The following PLEKHS1 variants were observed in gnomAD, a reference collection of about 807,000 sequenced individuals.
PLEKHS1 encodes the protein pleckstrin homology domain-containing family S member 1.
PLEKHS1 carries 55 observed loss-of-function variants against 51.0 expected under a neutral mutation model. That is an observed-to-expected ratio of 1.08 (90% CI 0.87 to 1.35). PLEKHS1 has a LOEUF of 1.35. PLEKHS1 is among the 40% of genes most tolerant of loss of function. The probability of loss-of-function intolerance (pLI) is 0.00; values close to 1 mark genes in which losing one functional copy is unlikely to be tolerated. For missense variants in PLEKHS1, 398 were observed against 423.0 expected (o/e 0.94, Z 0.52); for synonymous variants, 153 against 144.8 (o/e 1.06, Z -0.41).
At chr10:113,777,765 C>T (rs1389583975) in intron 11 of PLEKHS1, 17 of 1,452,560 alleles carry the variant, frequency 1.2e-5, no homozygotes, top group Non-Finnish European at 1.4e-5. Flanking sequence ...TTTTTAAAGC[C>T]TCAGTTTCAT....
rs180973788 is a variant in PLEKHS1 at position 113,777,848 on chromosome 10, G to A, written c.1091+1982G>A. On this transcript the variant is annotated intron_variant, in intron 11 of 11. Transcript: ENST00000361048. ...GAATTAAACATAATATGTGGTGCTGGGCACGGTGGCTTACACCTGTAATCC... is the reference window on the plus strand; with the variant it reads ...GAATTAAACATAATATGTGGTGCTGAGCACGGTGGCTTACACCTGTAATCC... 2.3e-4 allele frequency: 294 copies of A among 1,268,274 alleles called. 2 individuals are homozygous for A. The East Asian group carries it at 6.5e-3, about 28-fold the overall frequency. 78.6% of individuals were successfully genotyped at this position (1,268,274 alleles called of 1,614,324 possible). A position where few individuals can be genotyped will look rare whatever the true frequency, so the allele number is the denominator to read the frequency against.
At chr10:113,770,308 T>C (rs1844347814) in intron 7 of PLEKHS1, among the ~76,000 whole-genome samples, 1 of 152,230 alleles carries the variant, frequency 6.6e-6, no homozygotes, top group Non-Finnish European at 1.5e-5. Context: ...TGTTAATCTC[T>C]TCCCTTTACC....
At chr10:113,766,690 C>A in exon 4 of PLEKHS1, 1 of 1,611,602 alleles carries the variant, frequency 6.2e-7, no homozygotes, top group South Asian at 1.1e-5. Flanking sequence ...TAAAGACCAT[C>A]ATCACCGAGG....
chr10:113,766,946 G>A (rs1844191487), intron 4 of PLEKHS1, among the ~76,000 whole-genome samples: 1 of 152,134 alleles, frequency 6.6e-6, no homozygotes, highest in Non-Finnish European at 1.5e-5. Context: ...TTAATTAACA[G>A]GCATTCAGTT....
chr10:113,778,299 A>G (rs937648872), intron 11 of PLEKHS1, among the ~76,000 whole-genome samples: 9 of 152,138 alleles, frequency 5.9e-5, no homozygotes, highest in Non-Finnish European at 1.3e-4. Context: ...AGAAGCTTAC[A>G]TTTATCTTTT....
chr10:113,777,089 TCA>T (rs1384776166), intron 11 of PLEKHS1, 33 bp from the exon 12 acceptor site: 1 of 1,608,702 alleles, frequency 6.2e-7, no homozygotes, highest in African/African-American at 1.3e-5. Flanking sequence ...CAGCTGAGCC[TCA>T]CACTGGTATT....
At chr10:113,777,835 A>G (rs1264878712) in intron 11 of PLEKHS1, 6 of 1,351,694 alleles carry the variant, frequency 4.4e-6, no homozygotes, top group African/African-American at 1.5e-5. Context: ...ATTAAACATA[A>G]TATGTGGTGC....
chr10:113,769,635 T>A, intron 6 of PLEKHS1, 149 bp from the exon 7 acceptor site: 1 of 672,216 alleles, frequency 1.5e-6, no homozygotes, highest in South Asian at 1.7e-5. Context: ...TCGGCTCTTG[T>A]CTTGGTGAAA....
At chr10:113,759,635 GAGT>G (rs1843827631) in intron 2 of PLEKHS1, among the ~76,000 whole-genome samples, 1 of 151,998 alleles carries the variant, frequency 6.6e-6, no homozygotes, top group Non-Finnish European at 1.5e-5. Context: ...TTTTTTTGAT[GAGT>G]AGTATTCCAT....
At chr10:113,776,315 G>A (rs887204034) in intron 11 of PLEKHS1, among the ~76,000 whole-genome samples, 1 of 152,158 alleles carries the variant, frequency 6.6e-6, no homozygotes, top group African/African-American at 2.4e-5. Flanking sequence ...AAAACTGCTA[G>A]TCACAGACAC....
intron 7 of PLEKHS1, chr10:113,771,124 T>C (rs191755062): frequency 1.3e-5 from 2 of 152,294 alleles, no homozygotes; most frequent in African/African-American, 2.4e-5. Flanking sequence ...TCTGTATCTA[T>C]GGGGAAGGGG....
At chr10:113,756,840 C>T (rs889391322) in intron 2 of PLEKHS1, among the ~76,000 whole-genome samples, 1 of 151,652 alleles carries the variant, frequency 6.6e-6, no homozygotes, top group Non-Finnish European at 1.5e-5. Flanking sequence ...AGACCTTGAC[C>T]GCGTATGACA....
chr10:113,772,309 G>A (rs1844449844), intron 8 of PLEKHS1, among the ~76,000 whole-genome samples: 1 of 152,136 alleles, frequency 6.6e-6, no homozygotes, highest in Non-Finnish European at 1.5e-5. Flanking sequence ...AATACCAGGG[G>A]TGCATGAGCT....
intron 2 of PLEKHS1, chr10:113,765,520 TGGC>T: frequency 1.6e-6 from 1 of 635,744 alleles, no homozygotes; most frequent in East Asian, 2.7e-5. Context: ...TATTGCCCTT[TGGC>T]TTAGCAGACA....
rs1038153526 is a variant in PLEKHS1 at position 113,777,649 on chromosome 10, G to A, written c.1091+1783G>A. Reference sequence around the variant, plus strand: ...GTTGGATAATTAAATGAGGTAATATGTGTAACGTGCTTACAAAGGTGACTG... The same window carrying A: ...GTTGGATAATTAAATGAGGTAATATATGTAACGTGCTTACAAAGGTGACTG... On this transcript the variant is annotated intron_variant, in intron 11 of 11. Transcript: ENST00000361048. 44 of 1,530,712 alleles carry A rather than the reference G, an allele frequency of 2.9e-5. No homozygotes were observed. In the African/African-American group the frequency reaches 5.9e-4, roughly 21 times the overall value. 94.8% of individuals were successfully genotyped at this position (1,530,712 alleles called of 1,614,324 possible).
At chr10:113,773,551 A>T (rs1844512612) in intron 8 of PLEKHS1, among the ~76,000 whole-genome samples, 1 of 152,128 alleles carries the variant, frequency 6.6e-6, no homozygotes, top group Non-Finnish European at 1.5e-5. Flanking sequence ...ACATGATTTC[A>T]GTAGGCCGAA....
chr10:113,772,367 G>T (rs1844453537), intron 8 of PLEKHS1, among the ~76,000 whole-genome samples: 1 of 152,260 alleles, frequency 6.6e-6, no homozygotes, highest in Non-Finnish European at 1.5e-5. Context: ...AAGATTTCAG[G>T]GACGAGATGA....
At chr10:113,754,055 A>T (rs899910820) in intron 1 of PLEKHS1, among the ~76,000 whole-genome samples, 2 of 151,914 alleles carry the variant, frequency 1.3e-5, no homozygotes, top group Non-Finnish European at 2.9e-5. Flanking sequence ...CAATCCGCCC[A>T]CCTCAACCTC....
At position 113,780,586 on chromosome 10, in the gene PLEKHS1, C is replaced by G; in HGVS notation, c.*-16C>G. 1.2e-6 allele frequency: 2 copies of G among 1,608,086 alleles called. No individual in the cohort carries two copies. The highest frequency in any genetic ancestry group is 1.7e-6 in the Non-Finnish European group (2 of 1,175,188). ...TAATCTTTAGCCATTTAACTTTCTTCTTTCTTGTGTTTTAGAAATTAAAGC... is the reference window on the plus strand; with the variant it reads ...TAATCTTTAGCCATTTAACTTTCTTGTTTCTTGTGTTTTAGAAATTAAAGC... On this transcript the variant is annotated splice_polypyrimidine_tract_variant and intron_variant, in intron 11 of 11. Coordinates refer to ENST00000361048, the Ensembl canonical transcript of PLEKHS1.
Sources: gnomAD v4.1 joint callset for allele counts (sites outside exome capture counted in the v4.1 genomes callset) on GRCh38, gnomAD v4.1.1 for gene constraint, MANE v1.5 for transcripts, NCBI Gene and HGNC (gene_info 2026-07-23, HGNC 2026-07-21) for gene names.